PFKFB3: variants seen among roughly 807,000 people sequenced by gnomAD.
PFKFB3 encodes the protein 6-phosphofructo-2-kinase/fructose-2,6-bisphosphatase 3.
A neutral mutation model predicts 68.0 loss-of-function variants in PFKFB3; 33 were observed. That is an observed-to-expected ratio of 0.49 (90% CI 0.37 to 0.65). The LOEUF (loss-of-function observed/expected upper bound fraction) is 0.65. Ranked by LOEUF, PFKFB3 falls within the 30% of genes least tolerant of loss-of-function variation. The pLI, the probability that PFKFB3 is intolerant of heterozygous loss-of-function variation, is 0.00. For synonymous variants in PFKFB3, 315 were observed against 288.2 expected (o/e 1.09, Z -0.94); for missense variants, 586 against 712.2 (o/e 0.82, Z 2.02).
downstream of PFKFB3, among the ~76,000 whole-genome samples, chr10:6,255,213 C>T (rs1588573566): frequency 6.6e-6 from 1 of 151,950 alleles, no homozygotes; most frequent in African/African-American, 2.4e-5. Flanking sequence ...CAACCTCTGC[C>T]TCCCGGTTTC....
At chr10:6,145,967 T>A (rs1344140434) in intron 1 of PFKFB3, among the ~76,000 whole-genome samples, 1 of 152,190 alleles carries the variant, frequency 6.6e-6, no homozygotes, top group African/African-American at 2.4e-5. Context: ...AAGTGGGAGC[T>A]GCAGAAGTGT....
intron 1 of PFKFB3, among the ~76,000 whole-genome samples, chr10:6,151,800 G>T (rs148671419): frequency 6.6e-6 from 1 of 152,134 alleles, no homozygotes; most frequent in African/African-American, 2.4e-5. Context: ...GGGTAGACCT[G>T]TTTGATGCAG....
Position 6,158,163 on chromosome 10 carries a change from C to T in PFKFB3, c.16+13150C>T, listed in dbSNP as rs1260867819. ...AATTAGCCGGGCGTGGTGGCGGGCGCCTGTGGTCCCAGCTACTTGGGAGGC... is the reference window on the plus strand; with the variant it reads ...AATTAGCCGGGCGTGGTGGCGGGCGTCTGTGGTCCCAGCTACTTGGGAGGC... On this transcript the variant is annotated intron_variant, in intron 1 of 14. Transcript: ENST00000379789. Among the ~76,000 whole-genome samples, 17 of 151,826 alleles carry T rather than the reference C, an allele frequency of 1.1e-4. No individual in the cohort carries two copies. In the East Asian group the frequency reaches 3.3e-3, roughly 29 times the overall value.
At chr10:6,312,174 G>C in the PFKFB3 span, among the ~76,000 whole-genome samples, 1 of 152,146 alleles carries the variant, frequency 6.6e-6, no homozygotes, top group Non-Finnish European at 1.5e-5. Context: ...CTCTTGGAGG[G>C]GTCCTGATTA....
rs1845568331 is a variant in PFKFB3 at position 6,229,190 on chromosome 10, G to A, written c.1515+2825G>A. 1 of 479,510 alleles carries A rather than the reference G, an allele frequency of 2.1e-6. No individual in the cohort carries two copies. The highest frequency in any genetic ancestry group is 2.1e-5 in the Admixed American group (1 of 47,526). 29.7% of individuals were successfully genotyped at this position (479,510 alleles called of 1,614,324 possible). On this transcript the variant is annotated intron_variant, in intron 14 of 14. Transcript: ENST00000379775. This position sits in a 1 kb window ranked among gnomAD's most constrained non-coding sequence, Gnocchi z 4.3. The stretch of plus-strand genomic sequence containing the variant: ...TTTGGAAATGGGAGAGGTTTGGCAT[G>A]GCGCTCAGATTTTGGTGGCAAAGGG...
At chr10:6,300,749 G>T in the PFKFB3 span, among the ~76,000 whole-genome samples, 7 of 152,222 alleles carry the variant, frequency 4.6e-5, no homozygotes, top group African/African-American at 1.7e-4. Context: ...AGTGCAGCTG[G>T]GTTTGATTCA....
intron 1 of PFKFB3, among the ~76,000 whole-genome samples, chr10:6,179,555 C>T (rs993881245): frequency 6.6e-6 from 1 of 152,188 alleles, no homozygotes; most frequent in African/African-American, 2.4e-5. Context: ...AAGGGTTTCT[C>T]TCCTATGGTG....
downstream of PFKFB3, among the ~76,000 whole-genome samples, chr10:6,235,696 C>G (rs1488867382): frequency 1.3e-5 from 2 of 151,422 alleles, no homozygotes; most frequent in African/African-American, 4.9e-5. Flanking sequence ...GGAGAATGAG[C>G]TGTCTCAATT....
downstream of PFKFB3, among the ~76,000 whole-genome samples, chr10:6,257,878 C>G (rs1261954133): frequency 6.6e-6 from 1 of 151,902 alleles, no homozygotes; most frequent in African/African-American, 2.4e-5. Context: ...AGATTACACC[C>G]ACTGGAGACA....
upstream of PFKFB3, chr10:6,202,786 G>A (rs554957564): frequency 8.2e-6 from 6 of 729,652 alleles, no homozygotes; most frequent in African/African-American, 9.6e-5. Context: ...CGCAGGGGGA[G>A]CTCGCAGGCT....
At chr10:6,156,137 G>A (rs10737049) in intron 1 of PFKFB3, among the ~76,000 whole-genome samples, 128 of 41,696 alleles carry the variant, frequency 3.1e-3, no homozygotes, top group Non-Finnish European at 6.5e-3. Flanking sequence ...ATATGTGTGT[G>A]TGTGTGTGTG....
chr10:6,145,100 G>T (rs1293103923), intron 1 of PFKFB3: 3 of 1,105,696 alleles, frequency 2.7e-6, no homozygotes, highest in Non-Finnish European at 3.5e-6. Context: ...TTGGGTCCTC[G>T]CCAGGCGCGG....
upstream of PFKFB3, among the ~76,000 whole-genome samples, chr10:6,199,631 C>T (rs1272276963): frequency 4.7e-5 from 7 of 149,180 alleles, no homozygotes; most frequent in East Asian, 5.9e-4. Flanking sequence ...ACCACAGGTG[C>T]GAGCCACCAT....
intron 13 of PFKFB3, 46 bp from the exon 14 acceptor site, chr10:6,226,146 T>G: frequency 1.3e-6 from 2 of 1,493,738 alleles, no homozygotes; most frequent in Non-Finnish European, 1.8e-6. Flanking sequence ...TTCCTCCCCT[T>G]CTTTGTAACT....
In PFKFB3 at chr10:6,233,458, G is replaced by A. The variant is rs543925758; in HGVS notation, c.*516G>A. On this transcript the variant is annotated 3_prime_UTR_variant, in exon 15 of 15. Coordinates refer to ENST00000379775, the MANE Select transcript of PFKFB3 (RefSeq NM_004566.4). ...ACCTGGGAAGACGCCTCATGGGAAC[G>A]AACTTGGACAGGTGTTGGGTTGAGG... The A allele has an allele frequency of 7.1e-4, 108 of 153,188 alleles. 1 individual carries two copies. The Middle Eastern group carries it at 0.014, about 19-fold the overall frequency. The allele number at this position is 153,188 out of a possible 1,614,324, so 9.5% of individuals were successfully genotyped here. A position where few individuals can be genotyped will look rare whatever the true frequency, so the allele number is the denominator to read the frequency against.
intron 1 of PFKFB3, among the ~76,000 whole-genome samples, chr10:6,176,917 C>T (rs1052588820): frequency 2.0e-5 from 3 of 152,164 alleles, no homozygotes; most frequent in Non-Finnish European, 2.9e-5. Flanking sequence ...AAAATGCTAC[C>T]TGGTGGGACT....
At chr10:6,272,467 G>A in the PFKFB3 span, among the ~76,000 whole-genome samples, 2 of 152,168 alleles carry the variant, frequency 1.3e-5, no homozygotes, top group Non-Finnish European at 1.5e-5. Flanking sequence ...GCCGAGGCGG[G>A]CGGATCACCT....
chr10:6,208,977 G>A (rs1229379014), intron 1 of PFKFB3, among the ~76,000 whole-genome samples: 1 of 152,324 alleles, frequency 6.6e-6, no homozygotes, highest in African/African-American at 2.4e-5. Flanking sequence ...CTGCGGGCTT[G>A]TAGACAGCCA....
chr10:6,242,777 A>G (rs1268716580), intron 14 of PFKFB3, among the ~76,000 whole-genome samples: 1 of 152,178 alleles, frequency 6.6e-6, no homozygotes. Flanking sequence ...TCATAGAGAC[A>G]GGGTTTCGCC....
Sources: gnomAD v4.1 joint callset for allele counts (sites outside exome capture counted in the v4.1 genomes callset) on GRCh38, gnomAD v4.1.1 for gene constraint, Gnocchi (gnomAD v3.1) non-coding constraint, MANE v1.5 for transcripts, NCBI Gene and HGNC (gene_info 2026-07-23, HGNC 2026-07-21) for gene names.